The following KIF26B variants were observed in gnomAD, a reference collection of about 807,000 sequenced individuals.
KIF26B encodes the protein kinesin-like protein KIF26B.
KIF26B carries 63 observed loss-of-function variants against 151.2 expected under a neutral mutation model. That is an observed-to-expected ratio of 0.42 (90% CI 0.34 to 0.51). KIF26B has a LOEUF of 0.51. Ranked by LOEUF, KIF26B falls within the 20% of genes least tolerant of loss-of-function variation. The pLI, the probability that KIF26B is intolerant of heterozygous loss-of-function variation, is 0.07. For synonymous variants in KIF26B, 1,357 were observed against 1,262.1 expected (o/e 1.08, Z -1.59); for missense variants, 2,813 against 2,913.6 (o/e 0.97, Z 0.79).
intron 3 of KIF26B, among the ~76,000 whole-genome samples, chr1:245,381,414 A>C (rs1024049120): frequency 6.6e-6 from 1 of 152,220 alleles, no homozygotes; most frequent in African/African-American, 2.4e-5. Context: ...AGTCTACATG[A>C]GGCCCAGGAT....
intron 2 of KIF26B, among the ~76,000 whole-genome samples, chr1:245,179,911 G>T (rs779083194): frequency 6.6e-6 from 1 of 152,210 alleles, no homozygotes; most frequent in Non-Finnish European, 1.5e-5. Context: ...AGCACCTGGC[G>T]CATGGCCTGT....
chr1:245,307,547 A>G (rs1226635951), intron 2 of KIF26B, among the ~76,000 whole-genome samples: 1 of 152,242 alleles, frequency 6.6e-6, no homozygotes, highest in Non-Finnish European at 1.5e-5. Flanking sequence ...TCAGATACAC[A>G]GAGAGTGATA....
At chr1:245,176,199 A>G (rs980437244) in intron 2 of KIF26B, among the ~76,000 whole-genome samples, 1 of 152,008 alleles carries the variant, frequency 6.6e-6, no homozygotes, top group Non-Finnish European at 1.5e-5. Context: ...GGGTTTCTCC[A>G]TGTTGGTCAG....
At chr1:245,609,160 C>G (rs2043490247) in intron 7 of KIF26B, 106 bp from the exon 8 acceptor site, 2 of 1,066,730 alleles carry the variant, frequency 1.9e-6, no homozygotes, top group African/African-American at 3.2e-5. Flanking sequence ...CCCTTTTCCC[C>G]CCTTCCCTGT....
At chr1:245,271,343 A>G (rs1182572793) in intron 2 of KIF26B, among the ~76,000 whole-genome samples, 3 of 152,154 alleles carry the variant, frequency 2.0e-5, no homozygotes, top group Admixed American at 1.3e-4. Context: ...GACTCACTTC[A>G]GGTACTATGG....
chr1:245,550,256 G>T (rs1005283260), intron 5 of KIF26B, among the ~76,000 whole-genome samples: 4 of 152,212 alleles, frequency 2.6e-5, no homozygotes, highest in African/African-American at 7.2e-5. Context: ...ATTCGTTAGT[G>T]GAGCTCTGTT....
intron 3 of KIF26B, among the ~76,000 whole-genome samples, chr1:245,373,350 A>G (rs1673170259): frequency 6.6e-6 from 1 of 152,220 alleles, no homozygotes; most frequent in African/African-American, 2.4e-5. Flanking sequence ...CTAATCTTTA[A>G]CCTGAAGTGT....
rs2044560277 is a variant in KIF26B at position 245,688,083 on chromosome 1, C to T, written c.5100C>T (p.Asp1700=). Reference sequence around the variant, plus strand: ...GCTCCCGGCTGCACGCGGGCAAGGACGGCACCATGCCCCGCGCGGGGAGGA... The same window carrying T: ...GCTCCCGGCTGCACGCGGGCAAGGATGGCACCATGCCCCGCGCGGGGAGGA... ...SVSSRLHAGK[D]GTMPRAGRSL... is the part of the protein sequence containing the mutation. The change falls in exon 12 of 15, where the codon GAC becomes GAT. Residue 1700 remains aspartate (D), a synonymous_variant. Transcript: ENST00000407071. 6.4e-7 allele frequency: 1 copy of T among 1,553,492 alleles called. No individual in the cohort carries two copies. Among genetic ancestry groups the T allele is most frequent in the South Asian group, 1.2e-5 (1 of 84,454 alleles).
At chr1:245,401,720 A>G (rs141222613) in intron 3 of KIF26B, among the ~76,000 whole-genome samples, 57 of 152,244 alleles carry the variant, frequency 3.7e-4, no homozygotes, top group African/African-American at 1.3e-3. Flanking sequence ...AATACAAAAA[A>G]TTATCTGGGC....
At chr1:245,521,230 C>G (rs754851980) in intron 4 of KIF26B, among the ~76,000 whole-genome samples, 11 of 151,556 alleles carry the variant, frequency 7.3e-5, no homozygotes, top group Admixed American at 1.3e-4. Flanking sequence ...CCAGCTACTC[C>G]GAAGGCTGAG....
At chr1:245,172,129 A>G (rs1668721478) in intron 2 of KIF26B, among the ~76,000 whole-genome samples, 1 of 152,038 alleles carries the variant, frequency 6.6e-6, no homozygotes, top group Non-Finnish European at 1.5e-5. Context: ...TTTGGCCTTC[A>G]CCGTACATTC....
chr1:245,343,381 C>T lies in KIF26B; in HGVS notation c.466-23453C>T, dbSNP rs112359178. Among the ~76,000 whole-genome samples, 1,158 of 151,092 alleles carry T rather than the reference C, an allele frequency of 7.7e-3. 19 individuals carry two copies. Among genetic ancestry groups the T allele is most frequent in the African/African-American group, 0.025 (1,009 of 41,128 alleles). ...ATGCAATCTTTTTTTTTTTTCCTAC[C>T]ACAATTTATGTCTTTATGAGGAATA... is the stretch of plus-strand genomic sequence containing the variant. On this transcript the variant is annotated intron_variant, in intron 2 of 14. Transcript: ENST00000407071.
At chr1:245,473,675 A>G (rs1659965899) in intron 4 of KIF26B, among the ~76,000 whole-genome samples, 2 of 152,088 alleles carry the variant, frequency 1.3e-5, no homozygotes, top group African/African-American at 2.4e-5. Context: ...TACTTTCAAA[A>G]ATATACTTGA....
intron 5 of KIF26B, among the ~76,000 whole-genome samples, chr1:245,551,828 C>T (rs1224839413): frequency 1.3e-4 from 20 of 152,144 alleles, no homozygotes; most frequent in Admixed American, 1.3e-3. Flanking sequence ...GAGGCTTTCC[C>T]TGCCAACCTC....
intron 5 of KIF26B, among the ~76,000 whole-genome samples, chr1:245,570,906 T>A (rs1446138814): frequency 6.6e-6 from 1 of 152,244 alleles, no homozygotes; most frequent in Non-Finnish European, 1.5e-5. Context: ...CCACATATTC[T>A]TTCTTCTGAT....
intron 10 of KIF26B, among the ~76,000 whole-genome samples, chr1:245,658,202 G>A (rs184447280): frequency 6.6e-4 from 101 of 152,248 alleles, no homozygotes; most frequent in African/African-American, 2.3e-3. Flanking sequence ...ATCTTGATGC[G>A]CACAGCTACA....
chr1:245,538,242 G>C (rs1661528696), intron 4 of KIF26B, among the ~76,000 whole-genome samples: 1 of 152,168 alleles, frequency 6.6e-6, no homozygotes, highest in Admixed American at 6.5e-5. Flanking sequence ...ATAGATAATG[G>C]AAGGAGAGGG....
At chr1:245,668,701 C>T (rs6678236) in intron 10 of KIF26B, among the ~76,000 whole-genome samples, 2,610 of 151,162 alleles carry the variant, frequency 0.017, 81 homozygotes, top group African/African-American at 0.06. Context: ...CTTTTCTTTT[C>T]TTTTTTTGAG....
intron 14 of KIF26B, among the ~76,000 whole-genome samples, chr1:245,701,225 G>A (rs2044767752): frequency 6.6e-6 from 1 of 152,170 alleles, no homozygotes; most frequent in Admixed American, 6.5e-5. Flanking sequence ...TCTTGAAGAT[G>A]AATTGAAAAC....
Sources: allele counts gnomAD v4.1 joint callset (sites outside exome capture counted in the v4.1 genomes callset), GRCh38; gene constraint gnomAD v4.1.1; transcripts MANE v1.5; gene names NCBI Gene and HGNC (gene_info 2026-07-23, HGNC 2026-07-21).